Variants in DAB1 observed in about 807,000 individuals in gnomAD.
DAB1 encodes disabled homolog 1.
DAB1 carries 15 observed loss-of-function variants against 64.6 expected under a neutral mutation model. The ratio of observed to expected loss-of-function variants is 0.23; its 90% CI spans 0.16 to 0.36. DAB1 has a LOEUF of 0.36. Ranked by LOEUF, DAB1 falls within the 10% of genes least tolerant of loss-of-function variation. The pLI, the probability that DAB1 is intolerant of heterozygous loss-of-function variation, is 1.00. For synonymous variants in DAB1, 235 were observed against 251.9 expected (o/e 0.93, Z 0.64); for missense variants, 596 against 706.7 (o/e 0.84, Z 1.78).
intron 3 of DAB1, among the ~76,000 whole-genome samples, chr1:57,142,635 C>CAT (rs1425944102): frequency 4.4e-5 from 6 of 135,974 alleles, no homozygotes; most frequent in African/African-American, 1.6e-4. Context: ...CACACATACA[C>CAT]ACACACACAC....
chr1:58,498,218 A>G (rs1645837218), intron 3 of DAB1, among the ~76,000 whole-genome samples: 3 of 152,020 alleles, frequency 2.0e-5, no homozygotes, highest in African/African-American at 7.2e-5. Flanking sequence ...TTAAACATTT[A>G]TAATAATGGT....
At chr1:58,121,786 T>C (rs1242653376) in intron 5 of DAB1, among the ~76,000 whole-genome samples, 2 of 152,224 alleles carry the variant, frequency 1.3e-5, no homozygotes, top group Non-Finnish European at 2.9e-5. Flanking sequence ...AAGCATGGAA[T>C]GTACATGCAT....
chr1:58,480,367 C>T (rs949703435), intron 3 of DAB1, among the ~76,000 whole-genome samples: 2 of 152,110 alleles, frequency 1.3e-5, no homozygotes, highest in African/African-American at 4.8e-5. Context: ...TGTGGAAATG[C>T]CCTCTCCCCC....
rs1039890808 is a variant in DAB1 at position 57,877,556 on chromosome 1, T to A, written n.87+6443A>T. On this transcript the variant is annotated intron_variant and non_coding_transcript_variant, in intron 1 of 1. Coordinates refer to the DAB1 transcript ENST00000477280. ...ATCCTAATTGATTTATTTTTTTTTT[T>A]TTTTTTTTTTTTTTTGAGACGGAGT... Among the ~76,000 whole-genome samples, 111 of 57,802 alleles carry A rather than the reference T, an allele frequency of 1.9e-3. 34 individuals carry two copies. The highest frequency in any genetic ancestry group is 5.5e-3 in the South Asian group (11 of 1,990). 37.9% of individuals were successfully genotyped at this position (57,802 alleles called of 152,430 possible). A position where few individuals can be genotyped will look rare whatever the true frequency, so the allele number is the denominator to read the frequency against.
intron 5 of DAB1, among the ~76,000 whole-genome samples, chr1:58,041,211 C>G (rs933578806): frequency 1.3e-5 from 2 of 152,202 alleles, no homozygotes; most frequent in Non-Finnish European, 2.9e-5. Flanking sequence ...TGAGCTCTCA[C>G]ATAATCTTAT....
intron 4 of DAB1, among the ~76,000 whole-genome samples, chr1:57,092,524 C>G (rs1653782810): frequency 6.6e-6 from 1 of 152,106 alleles, no homozygotes; most frequent in Non-Finnish European, 1.5e-5. Flanking sequence ...GAAGACGGTA[C>G]TTGCTTCTTC....
intron 9 of DAB1, among the ~76,000 whole-genome samples, chr1:57,055,982 C>T (rs11206962): frequency 6.6e-6 from 1 of 151,890 alleles, no homozygotes; most frequent in Non-Finnish European, 1.5e-5. Flanking sequence ...TACTTTAGCT[C>T]ATTTAGTCTT....
intron 5 of DAB1, among the ~76,000 whole-genome samples, chr1:57,956,862 G>A (rs550161937): frequency 1.3e-5 from 2 of 152,294 alleles, no homozygotes; most frequent in South Asian, 2.1e-4. Context: ...GACTTTGGGA[G>A]GTATTGGTGG....
chr1:58,094,045 C>T (rs1422894922), intron 5 of DAB1, among the ~76,000 whole-genome samples: 3 of 152,180 alleles, frequency 2.0e-5, no homozygotes, highest in Non-Finnish European at 4.4e-5. Flanking sequence ...CATTACTCCC[C>T]GGTCTCTACC....
At chr1:57,815,126 C>T (rs1238415097) in intron 6 of DAB1, among the ~76,000 whole-genome samples, 1 of 151,786 alleles carries the variant, frequency 6.6e-6, no homozygotes, top group African/African-American at 2.4e-5. Context: ...GGCTGGTGTG[C>T]AGTGGCGTGA....
At chr1:57,967,567 A>G (rs908747172) in intron 5 of DAB1, among the ~76,000 whole-genome samples, 2 of 152,196 alleles carry the variant, frequency 1.3e-5, no homozygotes, top group African/African-American at 2.4e-5. Flanking sequence ...GACAAGGTGT[A>G]GAGTTGGAAG....
intron 6 of DAB1, among the ~76,000 whole-genome samples, chr1:57,791,765 C>T (rs1323839): frequency 0.066 from 10,052 of 152,172 alleles, 1,159 homozygotes; most frequent in African/African-American, 0.23. Flanking sequence ...TTGTCCTCCC[C>T]ACTGACAGTC....
At chr1:57,181,908 T>C (rs1209463565) in intron 2 of DAB1, among the ~76,000 whole-genome samples, 2 of 152,160 alleles carry the variant, frequency 1.3e-5, no homozygotes, top group African/African-American at 4.8e-5. Flanking sequence ...TGTTTTGAGA[T>C]GGAGTCTCGC....
chr1:57,819,229 T>TGA (rs879521240), intron 6 of DAB1, among the ~76,000 whole-genome samples: 15 of 152,234 alleles, frequency 9.9e-5, no homozygotes, highest in Admixed American at 9.8e-4. Context: ...AAGGCGCAGT[T>TGA]GAAAGCATCT....
chr1:58,076,704 C>T (rs1649671184), intron 5 of DAB1, among the ~76,000 whole-genome samples: 1 of 152,200 alleles, frequency 6.6e-6, no homozygotes, highest in African/African-American at 2.4e-5. Context: ...GGTTTTTGTA[C>T]TCATGTCAAG....
At chr1:57,169,630 A>G (rs1052355532) in intron 2 of DAB1, among the ~76,000 whole-genome samples, 3 of 152,184 alleles carry the variant, frequency 2.0e-5, no homozygotes, top group African/African-American at 7.2e-5. Flanking sequence ...GAACCCTGCA[A>G]AAGTCAGTTT....
intron 6 of DAB1, among the ~76,000 whole-genome samples, chr1:57,807,146 T>C (rs752143498): frequency 7.2e-5 from 11 of 152,216 alleles, no homozygotes; most frequent in Non-Finnish European, 1.6e-4. Flanking sequence ...CCATTCTCCA[T>C]GTTTACACTT....
chr1:58,357,657 TG>T (rs371308155), intron 3 of DAB1, among the ~76,000 whole-genome samples: 68 of 152,304 alleles, frequency 4.5e-4, no homozygotes, highest in African/African-American at 1.6e-3. Flanking sequence ...TCGAATCACC[TG>T]GGGATCTTGT....
chr1:58,510,276 C>T (rs911421939), intron 2 of DAB1, among the ~76,000 whole-genome samples: 14 of 152,050 alleles, frequency 9.2e-5, no homozygotes, highest in Admixed American at 7.9e-4. Context: ...AAAAGGATCA[C>T]ACCTCATGAC....
Sources: gnomAD v4.1 joint callset for allele counts (sites outside exome capture counted in the v4.1 genomes callset) on GRCh38, gnomAD v4.1.1 for gene constraint, MANE v1.5 for transcripts, NCBI Gene and HGNC (gene_info 2026-07-23, HGNC 2026-07-21) for gene names.